The following DCAF8L2 variants were observed in gnomAD, a reference collection of about 807,000 sequenced individuals.
DCAF8L2 encodes the protein DDB1- and CUL4-associated factor 8-like protein 2.
For synonymous variants in DCAF8L2, 200 were observed against 190.9 expected, an observed-to-expected ratio of 1.05 and a Z score of -0.39; for missense variants, 430 against 490.7, an observed-to-expected ratio of 0.88 and a Z score of 1.17.
the DCAF8L2 span, among the ~76,000 whole-genome samples, chrX:27,525,562 C>T: frequency 9.0e-6 from 1 of 111,689 alleles, no homozygotes; most frequent in Non-Finnish European, 1.9e-5. Flanking sequence ...TGAATTTGAT[C>T]TTGTCATTAT....
the DCAF8L2 span, among the ~76,000 whole-genome samples, chrX:27,515,081 T>C: frequency 4.2e-4 from 47 of 112,045 alleles, no homozygotes; most frequent in African/African-American, 1.5e-3. Flanking sequence ...ATATGGTAAT[T>C]TCCCTGATTT....
At chrX:27,578,460 A>T in the DCAF8L2 span, among the ~76,000 whole-genome samples, 34 of 112,035 alleles carry the variant, frequency 3.0e-4, no homozygotes, top group African/African-American at 1.1e-3. Flanking sequence ...TAAAAACCCT[A>T]GAAGAAAATC....
the DCAF8L2 span, among the ~76,000 whole-genome samples, chrX:27,498,000 T>C: frequency 8.9e-6 from 1 of 112,636 alleles, no homozygotes; most frequent in Non-Finnish European, 1.9e-5. Flanking sequence ...CAGAATTTAT[T>C]TCCTTCTTAA....
intron 3 of DCAF8L2, among the ~76,000 whole-genome samples, chrX:27,703,002 A>C (rs1364907900): frequency 8.9e-6 from 1 of 111,954 alleles, no homozygotes; most frequent in Non-Finnish European, 1.9e-5. Flanking sequence ...GCAAGGCTGA[A>C]GGATACAAAA....
intron 4 of DCAF8L2, among the ~76,000 whole-genome samples, chrX:27,727,957 T>C (rs1280298248): frequency 8.9e-6 from 1 of 111,845 alleles, no homozygotes; most frequent in Non-Finnish European, 1.9e-5. Flanking sequence ...CACATTCCAA[T>C]TGTATCTTGT....
chrX:27,601,860 A>G (rs181696483), intron 1 of DCAF8L2, among the ~76,000 whole-genome samples: 66 of 111,228 alleles, frequency 5.9e-4, no homozygotes, highest in African/African-American at 2.0e-3. Context: ...TGGGGTACCA[A>G]GTCCTGTGTA....
At chrX:27,493,239 T>A in the DCAF8L2 span, among the ~76,000 whole-genome samples, 1 of 111,252 alleles carries the variant, frequency 9.0e-6, no homozygotes, top group African/African-American at 3.3e-5. Context: ...AGACCCTGTC[T>A]AAAATAAATT....
chrX:27,691,973 G>A (rs376255328), intron 3 of DCAF8L2, among the ~76,000 whole-genome samples: 15 of 111,902 alleles, frequency 1.3e-4, no homozygotes, highest in East Asian at 5.6e-4. Context: ...TTTTGAAGAG[G>A]TTGATCATAA....
At chrX:27,502,986 G>A in the DCAF8L2 span, among the ~76,000 whole-genome samples, 1 of 111,600 alleles carries the variant, frequency 9.0e-6, no homozygotes, top group Non-Finnish European at 1.9e-5. Flanking sequence ...TTTCTGAGCA[G>A]GAATATGAAG....
chrX:27,634,933 T>C (rs1928434111), intron 2 of DCAF8L2, among the ~76,000 whole-genome samples: 1 of 105,035 alleles, frequency 9.5e-6, no homozygotes, highest in African/African-American at 3.6e-5. Flanking sequence ...GCATTTCAGA[T>C]AAGGGATACA....
At chrX:27,729,419 G>C (rs979759377) in intron 4 of DCAF8L2, among the ~76,000 whole-genome samples, 1 of 112,407 alleles carries the variant, frequency 8.9e-6, no homozygotes, top group African/African-American at 3.2e-5. Context: ...CCTCTCTGCT[G>C]ACCACAGCCA....
chrX:27,550,620 G>A, the DCAF8L2 span, among the ~76,000 whole-genome samples: 2 of 110,831 alleles, frequency 1.8e-5, no homozygotes, highest in African/African-American at 6.6e-5. Flanking sequence ...TAGAACACTA[G>A]TACTTATTCT....
chrX:27,671,456 C>G (rs1929950066), intron 2 of DCAF8L2, among the ~76,000 whole-genome samples: 1 of 112,085 alleles, frequency 8.9e-6, no homozygotes, highest in African/African-American at 3.2e-5. Context: ...TGCTTTAAAG[C>G]TTAGGACTCT....
the DCAF8L2 span, among the ~76,000 whole-genome samples, chrX:27,497,100 T>C: frequency 3.6e-5 from 4 of 111,501 alleles, no homozygotes; most frequent in Non-Finnish European, 1.9e-5. Context: ...GGTGTGCTTA[T>C]GCAAAGGCAA....
the DCAF8L2 span, among the ~76,000 whole-genome samples, chrX:27,480,197 T>A: frequency 8.9e-6 from 1 of 112,450 alleles, no homozygotes; most frequent in Non-Finnish European, 1.9e-5. Context: ...ACATTAGAGG[T>A]ACAACACTAA....
the DCAF8L2 span, among the ~76,000 whole-genome samples, chrX:27,506,202 A>C: frequency 1.8e-5 from 2 of 111,916 alleles, no homozygotes; most frequent in Non-Finnish European, 3.8e-5. Context: ...AAATCAGTGA[A>C]AAAATTTTCA....
chrX:27,575,846 G>C, the DCAF8L2 span, among the ~76,000 whole-genome samples: 1 of 112,051 alleles, frequency 8.9e-6, no homozygotes, highest in Admixed American at 9.5e-5. Context: ...CTAGGTTGGT[G>C]GTGGTGAGTG....
At chrX:27,633,838 A>T (rs1928390334) in intron 2 of DCAF8L2, 1 of 111,748 alleles carries the variant, frequency 8.9e-6, no homozygotes, top group Non-Finnish European at 1.9e-5. Flanking sequence ...TAGTCATGGA[A>T]ATCATGTTTT....
At chrX:27,658,903 G>A (rs1426724791) in intron 2 of DCAF8L2, among the ~76,000 whole-genome samples, 5 of 65,225 alleles carry the variant, frequency 7.7e-5, no homozygotes, top group Admixed American at 4.6e-4. Context: ...AATTCTAACC[G>A]TTTCCTCAAC....
Sources: allele counts gnomAD v4.1 joint callset (sites outside exome capture counted in the v4.1 genomes callset), GRCh38; gene constraint gnomAD v4.1.1; transcripts MANE v1.5; gene names NCBI Gene and HGNC (gene_info 2026-07-23, HGNC 2026-07-21).